MYRIP: variants seen among roughly 807,000 people sequenced by gnomAD.
MYRIP encodes the protein rab effector MyRIP.
In MYRIP, 49 loss-of-function variants were observed where a neutral mutation model predicts 98.0. The ratio of observed to expected loss-of-function variants is 0.50; its 90% CI spans 0.40 to 0.63. MYRIP has a LOEUF of 0.63. Ranked by LOEUF, MYRIP falls within the 30% of genes least tolerant of loss-of-function variation. The pLI, the probability that MYRIP is intolerant of heterozygous loss-of-function variation, is 0.00. For synonymous variants in MYRIP, 404 were observed against 409.5 expected (o/e 0.99, Z 0.16); for missense variants, 1,004 against 1,058.2 (o/e 0.95, Z 0.71).
At chr3:40,102,770 A>T (rs1948971186) in intron 3 of MYRIP, among the ~76,000 whole-genome samples, 1 of 151,984 alleles carries the variant, frequency 6.6e-6, no homozygotes, top group Non-Finnish European at 1.5e-5. Flanking sequence ...GAGGCCTGAT[A>T]GGGGATTCAG....
chr3:40,217,920 T>C (rs558786669), intron 11 of MYRIP, among the ~76,000 whole-genome samples: 2 of 152,108 alleles, frequency 1.3e-5, no homozygotes, highest in Non-Finnish European at 2.9e-5. Flanking sequence ...GACTTTAGAT[T>C]CCTGAGTTAA....
At chr3:39,890,594 T>C (rs572135946) in intron 1 of MYRIP, among the ~76,000 whole-genome samples, 1 of 151,948 alleles carries the variant, frequency 6.6e-6, no homozygotes, top group African/African-American at 2.4e-5. Context: ...TAGCTATCTA[T>C]GGAAAGTTCA....
intron 12 of MYRIP, among the ~76,000 whole-genome samples, chr3:40,241,997 T>C (rs1368041201): frequency 6.6e-6 from 1 of 152,158 alleles, no homozygotes. Flanking sequence ...CAAAATGTTA[T>C]AACATTCCAA....
At chr3:40,159,216 C>T (rs1168204520) in intron 4 of MYRIP, among the ~76,000 whole-genome samples, 2 of 151,422 alleles carry the variant, frequency 1.3e-5, no homozygotes, top group African/African-American at 4.8e-5. Flanking sequence ...TCAGCATTTG[C>T]TTGTCTGTAA....
chr3:39,900,528 C>T (rs1378930014), intron 1 of MYRIP, among the ~76,000 whole-genome samples: 1 of 148,616 alleles, frequency 6.7e-6, no homozygotes, highest in African/African-American at 2.6e-5. Flanking sequence ...GTATGGTTCA[C>T]TTTGTTATAA....
intron 11 of MYRIP, 117 bp from the exon 12 acceptor site, chr3:40,233,742 G>A: frequency 1.1e-6 from 1 of 939,780 alleles, no homozygotes; most frequent in Non-Finnish European, 1.6e-6. Flanking sequence ...TGGTGTTTGT[G>A]TGTGGAATTA....
At chr3:39,932,304 G>A (rs1944558084) in intron 2 of MYRIP, among the ~76,000 whole-genome samples, 2 of 152,128 alleles carry the variant, frequency 1.3e-5, no homozygotes, top group Admixed American at 1.3e-4. Flanking sequence ...ACAGGAGTTT[G>A]GAAGATGCCT....
At chr3:40,205,228 G>A (rs1036588512) in intron 10 of MYRIP, among the ~76,000 whole-genome samples, 27 of 152,154 alleles carry the variant, frequency 1.8e-4, no homozygotes, top group African/African-American at 6.3e-4. Flanking sequence ...AGAAGGAGAA[G>A]TGAAATTCGT....
chr3:40,147,100 G>A (rs1950025680), intron 3 of MYRIP, among the ~76,000 whole-genome samples: 1 of 152,106 alleles, frequency 6.6e-6, no homozygotes, highest in Non-Finnish European at 1.5e-5. Flanking sequence ...TAAATAATAT[G>A]TTTATCTTGC....
intron 2 of MYRIP, among the ~76,000 whole-genome samples, chr3:39,999,522 A>G (rs904205915): frequency 1.3e-5 from 2 of 152,204 alleles, no homozygotes; most frequent in African/African-American, 2.4e-5. Flanking sequence ...AAGTCAGGAA[A>G]AAATAGGTGC....
chr3:39,917,489 G>C lies in MYRIP; in HGVS notation c.110+16563G>C, dbSNP rs983513705. Among the ~76,000 whole-genome samples the C allele has an allele frequency of 2.6e-4, 39 of 149,884 alleles. 1 individual carries two copies. Among genetic ancestry groups the C allele is most frequent in the Admixed American group, 6.7e-5 (1 of 14,966 alleles). On this transcript the variant is annotated intron_variant, in intron 2 of 16. Coordinates refer to ENST00000302541, the MANE Select transcript of MYRIP (RefSeq NM_015460.4). ...TAGGAAAATTAAAAAAAAAAAAGCTGTTGAAACTTCCAAAACACTTTAAGC... is the reference window on the plus strand; with the variant it reads ...TAGGAAAATTAAAAAAAAAAAAGCTCTTGAAACTTCCAAAACACTTTAAGC...
At chr3:40,027,606 C>T (rs1947164270) in intron 2 of MYRIP, among the ~76,000 whole-genome samples, 1 of 152,052 alleles carries the variant, frequency 6.6e-6, no homozygotes, top group Non-Finnish European at 1.5e-5. Context: ...TCTGAGTATC[C>T]TACTTATTCT....
intron 3 of MYRIP, among the ~76,000 whole-genome samples, chr3:40,103,673 C>T (rs1165329338): frequency 3.3e-5 from 5 of 152,064 alleles, no homozygotes; most frequent in Non-Finnish European, 5.9e-5. Flanking sequence ...ACAGGAGAAT[C>T]GCTTGAACCC....
intron 2 of MYRIP, among the ~76,000 whole-genome samples, chr3:39,972,445 T>C (rs2125746415): frequency 6.6e-6 from 1 of 152,188 alleles, no homozygotes; most frequent in South Asian, 2.1e-4. Flanking sequence ...CATGAAATAA[T>C]TTTAACGTGG....
chr3:39,921,384 C>G (rs1203818991), intron 2 of MYRIP, among the ~76,000 whole-genome samples: 1 of 152,190 alleles, frequency 6.6e-6, no homozygotes, highest in Non-Finnish European at 1.5e-5. Context: ...GACAGGAACT[C>G]TACTCCACTC....
chr3:40,061,675 G>A (rs1445200748), intron 3 of MYRIP, among the ~76,000 whole-genome samples: 5 of 152,176 alleles, frequency 3.3e-5, no homozygotes. Flanking sequence ...TTTCCACGAT[G>A]ACTGAACTAA....
intron 3 of MYRIP, among the ~76,000 whole-genome samples, chr3:40,118,277 G>A (rs1385946938): frequency 2.0e-5 from 3 of 152,142 alleles, no homozygotes; most frequent in Non-Finnish European, 4.4e-5. Context: ...TAACTCAAAT[G>A]GAAGGAAATT....
At chr3:39,910,957 ATTG>A (rs1944007502) in intron 2 of MYRIP, among the ~76,000 whole-genome samples, 1 of 152,156 alleles carries the variant, frequency 6.6e-6, no homozygotes, top group Middle Eastern at 3.2e-3. Context: ...GCTATCAAAT[ATTG>A]TTGTCTCTGT....
At chr3:40,134,968 C>T (rs1435138600) in intron 3 of MYRIP, among the ~76,000 whole-genome samples, 1 of 152,152 alleles carries the variant, frequency 6.6e-6, no homozygotes, top group Admixed American at 6.5e-5. Flanking sequence ...CTCTAAAAAT[C>T]AGAGCACCTC....
Sources: allele counts gnomAD v4.1 joint callset (sites outside exome capture counted in the v4.1 genomes callset), GRCh38; gene constraint gnomAD v4.1.1; transcripts MANE v1.5; gene names NCBI Gene and HGNC (gene_info 2026-07-23, HGNC 2026-07-21).